The following FBXO42 variants were observed in gnomAD, a reference collection of about 807,000 sequenced individuals.
FBXO42 encodes F-box protein 42.
A neutral mutation model predicts 71.7 loss-of-function variants in FBXO42; 12 were observed. The ratio of observed to expected loss-of-function variants is 0.17; its 90% CI spans 0.11 to 0.27. FBXO42 has a LOEUF of 0.27. Among genes scored for constraint, FBXO42 ranks in the 10% least tolerant of loss-of-function variants. The pLI is 1.00. For missense variants in FBXO42, 707 were observed against 911.9 expected, an observed-to-expected ratio of 0.78 and a Z score of 2.89; for synonymous variants, 325 against 327.5, an observed-to-expected ratio of 0.99 and a Z score of 0.08.
In FBXO42 at chr1:16,247,013, T is replaced by C. The variant is rs1055395681; in HGVS notation, c.*3657A>G. The C allele has an allele frequency of 2.0e-5, 3 of 152,238 alleles. No homozygotes were observed. Among genetic ancestry groups the C allele is most frequent in the Non-Finnish European group, 4.4e-5 (3 of 68,054 alleles). The allele number at this position is 152,238 out of a possible 1,614,324, so 9.4% of individuals were successfully genotyped here. ...TAAGCCACCTGGCATCCCTGAGTTG[T>C]ATGGGAAACATCACTCACAGCACCA... On this transcript the variant is annotated 3_prime_UTR_variant, in exon 10 of 10. Coordinates refer to ENST00000375592, the MANE Select transcript of FBXO42 (RefSeq NM_018994.3).
chr1:16,344,989 C>T (rs552921466), intron 1 of FBXO42, among the ~76,000 whole-genome samples: 73 of 151,042 alleles, frequency 4.8e-4, no homozygotes, highest in African/African-American at 1.7e-3. Flanking sequence ...ATCCTAGCTA[C>T]TCCGGAGGCT....
chr1:16,304,605 T>C (rs1372089845), intron 3 of FBXO42, among the ~76,000 whole-genome samples: 1 of 152,154 alleles, frequency 6.6e-6, no homozygotes, highest in African/African-American at 2.4e-5. Flanking sequence ...GTTTTCCTCT[T>C]AGATAATGTC....
intron 1 of FBXO42, among the ~76,000 whole-genome samples, chr1:16,351,517 G>C (rs2082702579): frequency 6.6e-6 from 1 of 152,030 alleles, no homozygotes; most frequent in South Asian, 2.1e-4. Flanking sequence ...CAAAGCAATT[G>C]GTTATTCTGA....
At chr1:16,336,803 G>A (rs896825089) in intron 1 of FBXO42, among the ~76,000 whole-genome samples, 2 of 149,132 alleles carry the variant, frequency 1.3e-5, no homozygotes, top group Admixed American at 1.3e-4. Flanking sequence ...GGCAAACATG[G>A]TGAAACCCCG....
intron 2 of FBXO42, 64 bp from the exon 3 acceptor site, chr1:16,305,983 T>G: frequency 9.0e-7 from 1 of 1,108,760 alleles, no homozygotes; most frequent in Non-Finnish European, 1.4e-6. Flanking sequence ...TTATTAAAAC[T>G]GTGTCTATTA....
At position 16,250,737 on chromosome 1, in the gene FBXO42, T is replaced by C. The variant is rs2081582561; in HGVS notation, c.2087A>G (p.Asp696Gly). The C allele has an allele frequency of 6.2e-7, 1 of 1,614,062 alleles. No individual in the cohort carries two copies. Among genetic ancestry groups the C allele is most frequent in the African/African-American group, 1.3e-5 (1 of 74,906 alleles). ...ATAGTACTTCACATTCTGTTTCTTG[T>C]CCATGAGTCCTCCAAATATGATGAG... Reference protein sequence around the residue: ...GELIIFGGLMDKKQNVKYYPK... With the variant: ...GELIIFGGLMGKKQNVKYYPK... Residue 696 changes from aspartate to glycine, a missense_variant, in exon 10 of 10, where the codon GAC (aspartate) becomes GGC (glycine). Asp to Gly is a moderately conservative substitution (Grantham distance 94). Around this residue, in one of 5 missense-constraint regions of FBXO42, gnomAD observed 9 missense variants for 31.8 expected, o/e 0.28. Coordinates refer to ENST00000375592, the MANE Select transcript of FBXO42 (RefSeq NM_018994.3). The surrounding 1 kb of genome is among the most constrained non-coding windows in gnomAD (Gnocchi z 4.7).
chr1:16,306,001 T>C, intron 2 of FBXO42, 82 bp from the exon 3 acceptor site: 1 of 975,056 alleles, frequency 1.0e-6, no homozygotes, highest in Non-Finnish European at 1.6e-6. Context: ...TTACCTGTTT[T>C]TATCATTTTT....
Position 16,251,809 on chromosome 1 carries a change from C to T in FBXO42, c.1039-24G>A, listed in dbSNP as rs1421692856. The stretch of plus-strand genomic sequence containing the variant: ...ACCTGGAAGACAAAGGACCAGTGCT[C>T]ACACTCTTCTATGATTCTGATTGTT... On this transcript the variant is annotated intron_variant, in intron 9 of 9. Coordinates refer to ENST00000375592, the MANE Select transcript of FBXO42 (RefSeq NM_018994.3). The surrounding 1 kb of genome is among the most constrained non-coding windows in gnomAD (Gnocchi z 4.5). 6.3e-7 allele frequency: 1 copy of T among 1,596,484 alleles called. No homozygotes were observed. The highest frequency in any genetic ancestry group is 8.5e-7 in the Non-Finnish European group (1 of 1,170,522).
At chr1:16,278,309 A>T (rs551210296) in intron 4 of FBXO42, among the ~76,000 whole-genome samples, 15 of 151,682 alleles carry the variant, frequency 9.9e-5, no homozygotes, top group African/African-American at 3.4e-4. Context: ...TGAGCCGGAG[A>T]TCACGCCATT....
chr1:16,327,726 G>A (rs1042477261), intron 1 of FBXO42, among the ~76,000 whole-genome samples: 5 of 151,984 alleles, frequency 3.3e-5, no homozygotes, highest in South Asian at 2.1e-4. Context: ...TTTTTAAGAC[G>A]GAGTCTCGCT....
At position 16,350,870 on chromosome 1, in the gene FBXO42, G is replaced by C. The variant is rs189110829; in HGVS notation, c.-18+1385C>G. Reference sequence around the variant, plus strand: ...TTTTAAGATACGCAACATGCCTATGGATCAATGTAGATTGAATCATCTATT... The same window carrying C: ...TTTTAAGATACGCAACATGCCTATGCATCAATGTAGATTGAATCATCTATT... On this transcript the variant is annotated intron_variant, in intron 1 of 9. Transcript: ENST00000375592. Among the ~76,000 whole-genome samples, 390 of 151,950 alleles carry C rather than the reference G, an allele frequency of 2.6e-3. 1 individual carries two copies. Among genetic ancestry groups the C allele is most frequent in the Non-Finnish European group, 3.2e-3 (215 of 68,002 alleles).
chr1:16,290,046 A>G (rs1473377946), intron 4 of FBXO42, among the ~76,000 whole-genome samples: 1 of 152,210 alleles, frequency 6.6e-6, no homozygotes, highest in Non-Finnish European at 1.5e-5. Flanking sequence ...GGGCCACAAA[A>G]GCAGGTGTAA....
chr1:16,323,377 C>T (rs2082423821), intron 1 of FBXO42, among the ~76,000 whole-genome samples: 1 of 151,974 alleles, frequency 6.6e-6, no homozygotes, highest in Non-Finnish European at 1.5e-5. Flanking sequence ...AAGATCGTGC[C>T]ACTGTACTCC....
intron 2 of FBXO42, among the ~76,000 whole-genome samples, chr1:16,313,277 AG>A (rs1207376000): frequency 6.6e-6 from 1 of 151,882 alleles, no homozygotes; most frequent in Non-Finnish European, 1.5e-5. Context: ...TAAAAAAAAA[AG>A]AAAGAAAAGA....
intron 3 of FBXO42, among the ~76,000 whole-genome samples, chr1:16,296,649 C>CAAAAA (rs58537213): frequency 4.7e-4 from 43 of 91,116 alleles, no homozygotes; most frequent in Middle Eastern, 5.7e-3. Flanking sequence ...GACTCCATCT[C>CAAAAA]AAAAAAAAAA....
intron 1 of FBXO42, among the ~76,000 whole-genome samples, chr1:16,317,628 G>A (rs1033309140): frequency 6.6e-6 from 1 of 150,678 alleles, no homozygotes; most frequent in Non-Finnish European, 1.5e-5. Flanking sequence ...CAAACAAACA[G>A]AAGACAGAAG....
intron 4 of FBXO42, among the ~76,000 whole-genome samples, chr1:16,281,479 T>G (rs199884583): frequency 1.3e-5 from 2 of 150,182 alleles, no homozygotes; most frequent in Non-Finnish European, 3.0e-5. Context: ...TTTGTTTTTT[T>G]TTTTTTTTGA....
chr1:16,350,743 C>CA (rs143818159), intron 1 of FBXO42, among the ~76,000 whole-genome samples: 32 of 65,774 alleles, frequency 4.9e-4, no homozygotes, highest in Admixed American at 7.3e-4. Flanking sequence ...TGAGAAACTG[C>CA]AAAAAAAAAA....
At chr1:16,333,048 C>T (rs1020501283) in intron 1 of FBXO42, among the ~76,000 whole-genome samples, 1 of 152,054 alleles carries the variant, frequency 6.6e-6, no homozygotes, top group Non-Finnish European at 1.5e-5. Flanking sequence ...GCAGAAATAC[C>T]GTACTCCTAC....
Sources: allele counts gnomAD v4.1 joint callset (sites outside exome capture counted in the v4.1 genomes callset), GRCh38; gene constraint gnomAD v4.1.1; regional missense constraint gnomAD v4.1.1; non-coding constraint Gnocchi (gnomAD v3.1); transcripts MANE v1.5; gene names NCBI Gene and HGNC (gene_info 2026-07-23, HGNC 2026-07-21).